The following ROR2 variants were observed in gnomAD, a reference collection of about 807,000 sequenced individuals.
ROR2 encodes the protein ROR family WNT receptor 2, also known as tyrosine-protein kinase transmembrane receptor ROR2.
A neutral mutation model predicts 74.9 loss-of-function variants in ROR2; 33 were observed. That is an observed-to-expected ratio of 0.44 (90% CI 0.33 to 0.59). ROR2 has a LOEUF of 0.59. Among genes scored for constraint, ROR2 ranks in the 20% least tolerant of loss-of-function variants. The pLI is 0.02. For synonymous variants in ROR2, 586 were observed against 558.7 expected, an observed-to-expected ratio of 1.05 and a Z score of -0.69; for missense variants, 1,216 against 1,313.8, an observed-to-expected ratio of 0.93 and a Z score of 1.15.
intron 1 of ROR2, among the ~76,000 whole-genome samples, chr9:91,813,850 T>C (rs920851749): frequency 6.6e-6 from 1 of 152,000 alleles, no homozygotes; most frequent in Non-Finnish European, 1.5e-5. Flanking sequence ...CATGCCAGAG[T>C]TCAGAAGGCC....
intron 4 of ROR2, among the ~76,000 whole-genome samples, chr9:91,740,233 G>A (rs1023588174): frequency 2.0e-5 from 3 of 152,126 alleles, no homozygotes; most frequent in African/African-American, 7.2e-5. Context: ...TTCCCTCACC[G>A]AAGCGGGCTT....
At chr9:91,892,101 C>G (rs1158409027) in intron 1 of ROR2, among the ~76,000 whole-genome samples, 1 of 150,644 alleles carries the variant, frequency 6.6e-6, no homozygotes, top group Non-Finnish European at 1.5e-5. Context: ...ATCCTTCTCA[C>G]AGTTTCAATC....
intron 1 of ROR2, among the ~76,000 whole-genome samples, chr9:91,863,645 C>G (rs1277288953): frequency 6.6e-6 from 1 of 152,116 alleles, no homozygotes; most frequent in African/African-American, 2.4e-5. Flanking sequence ...GTGAAAGAAG[C>G]TAGAGACAAC....
At chr9:91,754,361 A>G (rs952573439) in intron 4 of ROR2, among the ~76,000 whole-genome samples, 1 of 151,896 alleles carries the variant, frequency 6.6e-6, no homozygotes, top group Non-Finnish European at 1.5e-5. Context: ...TTATTTATAA[A>G]ATACATAAAT....
intron 1 of ROR2, among the ~76,000 whole-genome samples, chr9:91,872,027 A>C (rs1288615810): frequency 6.6e-6 from 1 of 152,204 alleles, no homozygotes; most frequent in Non-Finnish European, 1.5e-5. Context: ...CTGTAACAAC[A>C]CATTATCCAT....
At chr9:91,948,566 C>T (rs368583341) in intron 1 of ROR2, 2 of 984,288 alleles carry the variant, frequency 2.0e-6, no homozygotes, top group Admixed American at 6.1e-5. Context: ...AACTAAAACC[C>T]CCCCCCAGGA....
intron 1 of ROR2, among the ~76,000 whole-genome samples, chr9:91,812,790 G>A (rs1240498530): frequency 6.6e-6 from 1 of 152,108 alleles, no homozygotes; most frequent in African/African-American, 2.4e-5. Flanking sequence ...AATAAAAAGA[G>A]GGAGGCTTCA....
At chr9:91,850,906 C>T (rs541098201) in intron 1 of ROR2, among the ~76,000 whole-genome samples, 1 of 152,124 alleles carries the variant, frequency 6.6e-6, no homozygotes, top group Non-Finnish European at 1.5e-5. Flanking sequence ...AACAAATTCT[C>T]ATCTATTTTT....
At chr9:91,831,747 G>A (rs910276242) in intron 1 of ROR2, among the ~76,000 whole-genome samples, 77 of 152,032 alleles carry the variant, frequency 5.1e-4, no homozygotes, top group African/African-American at 1.8e-3. Context: ...CCCAGGAGGC[G>A]GAGCTTGCAG....
chr9:91,930,218 C>T (rs1831514472), intron 1 of ROR2, among the ~76,000 whole-genome samples: 2 of 152,206 alleles, frequency 1.3e-5, no homozygotes, highest in Admixed American at 1.3e-4. Flanking sequence ...CAATCAGTTC[C>T]TCTTCAAACG....
intron 1 of ROR2, among the ~76,000 whole-genome samples, chr9:91,810,318 G>A (rs908877007): frequency 6.6e-6 from 1 of 152,198 alleles, no homozygotes; most frequent in African/African-American, 2.4e-5. Context: ...CAAGCACTCA[G>A]GTGAGAGAGT....
intron 7 of ROR2, among the ~76,000 whole-genome samples, chr9:91,728,579 C>T (rs1270937161): frequency 2.0e-5 from 3 of 151,892 alleles, no homozygotes; most frequent in South Asian, 2.1e-4. Flanking sequence ...TACAGGCGCC[C>T]GCCACCATGC....
intron 1 of ROR2, among the ~76,000 whole-genome samples, chr9:91,936,808 A>G (rs920970371): frequency 6.6e-6 from 1 of 151,946 alleles, no homozygotes; most frequent in Non-Finnish European, 1.5e-5. Flanking sequence ...AGGCGGGCGG[A>G]TCACGAGGTC....
intron 1 of ROR2, among the ~76,000 whole-genome samples, chr9:91,870,448 C>T (rs1012189437): frequency 2.6e-5 from 4 of 152,116 alleles, no homozygotes; most frequent in South Asian, 2.1e-4. Flanking sequence ...CTGCAACTGC[C>T]CAAAAAGCCA....
chr9:91,827,819 A>T (rs377034323), intron 1 of ROR2, among the ~76,000 whole-genome samples: 2 of 152,226 alleles, frequency 1.3e-5, no homozygotes, highest in African/African-American at 4.8e-5. Flanking sequence ...GACTTTTAAA[A>T]TTGTTATAAC....
At chr9:91,765,362 T>C (rs1826029301) in intron 2 of ROR2, among the ~76,000 whole-genome samples, 1 of 152,234 alleles carries the variant, frequency 6.6e-6, no homozygotes, top group African/African-American at 2.4e-5. Context: ...TCCTTTCATC[T>C]TTAATCCTTC....
At chr9:91,807,300 G>T (rs1827600097) in intron 1 of ROR2, among the ~76,000 whole-genome samples, 1 of 152,226 alleles carries the variant, frequency 6.6e-6, no homozygotes, top group South Asian at 2.1e-4. Flanking sequence ...GAGGCCAACA[G>T]GAAGGTGAAG....
At chr9:91,906,267 CAGT>C (rs935981928) in intron 1 of ROR2, among the ~76,000 whole-genome samples, 11 of 152,148 alleles carry the variant, frequency 7.2e-5, no homozygotes, top group African/African-American at 2.7e-4. Context: ...ATTCTGTGCC[CAGT>C]AGGATACCTG....
chr9:91,796,030 GAGGAGTTGGCGCCT>G (rs1827154567), intron 1 of ROR2, among the ~76,000 whole-genome samples: 1 of 152,198 alleles, frequency 6.6e-6, no homozygotes, highest in African/African-American at 2.4e-5. Context: ...CCCCAGGCTG[GAGGAGTTGGCGCCT>G]GAAGAAAACC....
Sources: allele counts gnomAD v4.1 joint callset (sites outside exome capture counted in the v4.1 genomes callset), GRCh38; gene constraint gnomAD v4.1.1; transcripts MANE v1.5; gene names NCBI Gene and HGNC (gene_info 2026-07-23, HGNC 2026-07-21).